Variants in FAM53A observed in about 807,000 individuals in gnomAD.
FAM53A encodes protein FAM53A.
In FAM53A, 28 loss-of-function variants were observed where a neutral mutation model predicts 26.6. The observed-to-expected ratio is 1.05, with a 90% CI of 0.78 to 1.45. The LOEUF is 1.45. Among genes scored for constraint, FAM53A ranks in the 40% most tolerant of loss-of-function variants. FAM53A has a pLI of 0.00. For missense variants in FAM53A, 650 were observed against 575.8 expected (o/e 1.13, Z -1.32); for synonymous variants, 290 against 253.1 (o/e 1.15, Z -1.38).
chr4:1,661,570 C>T (rs1464651272), intron 2 of FAM53A, among the ~76,000 whole-genome samples: 2 of 152,122 alleles, frequency 1.3e-5, no homozygotes, highest in African/African-American at 4.8e-5. Context: ...AGCCAGAGCA[C>T]AGTGAGATGC....
chr4:1,605,939 A>T, the FAM53A span, among the ~76,000 whole-genome samples: 1 of 152,022 alleles, frequency 6.6e-6, no homozygotes, highest in Non-Finnish European at 1.5e-5. This position sits in a 1 kb window ranked among gnomAD's most constrained non-coding sequence, Gnocchi z 5.7. Context: ...CCCAAACTGG[A>T]AGTGCTCTCT....
intron 1 of FAM53A, among the ~76,000 whole-genome samples, chr4:1,680,695 A>G (rs772151836): frequency 4.6e-5 from 7 of 152,230 alleles, no homozygotes; most frequent in Non-Finnish European, 1.0e-4. Context: ...AATGCATGTC[A>G]CTAAGTGAAA....
At chr4:1,604,934 C>T in the FAM53A span, among the ~76,000 whole-genome samples, 1 of 152,158 alleles carries the variant, frequency 6.6e-6, no homozygotes, top group East Asian at 1.9e-4. Context: ...CCCTGCCCCC[C>T]TCCTGCCCCC....
intron 1 of FAM53A, among the ~76,000 whole-genome samples, chr4:1,626,924 G>C (rs560399992): frequency 6.6e-6 from 1 of 152,274 alleles, no homozygotes; most frequent in East Asian, 1.9e-4. Flanking sequence ...CCCTCCCCCA[G>C]CCTCCAGATG....
intron 1 of FAM53A, among the ~76,000 whole-genome samples, chr4:1,677,921 G>A (rs528133202): frequency 3.9e-5 from 6 of 152,252 alleles, no homozygotes; most frequent in African/African-American, 1.4e-4. Context: ...CCCCAGCCTG[G>A]GTGACAGAGT....
At chr4:1,626,121 T>A (rs1715289968) in intron 1 of FAM53A, among the ~76,000 whole-genome samples, 1 of 152,174 alleles carries the variant, frequency 6.6e-6, no homozygotes, top group Non-Finnish European at 1.5e-5. Context: ...TGTCTCCATC[T>A]GGCTCCTGGA....
intron 1 of FAM53A, among the ~76,000 whole-genome samples, chr4:1,631,496 G>A (rs942585068): frequency 6.6e-6 from 1 of 152,154 alleles, no homozygotes; most frequent in African/African-American, 2.4e-5. Flanking sequence ...GTCCCCCGCT[G>A]CCTGGGAACT....
Position 1,641,099 on chromosome 4 carries a change from G to A in FAM53A, c.*194C>T, listed in dbSNP as rs369296082. 0.017 allele frequency: 8,631 copies of A among 517,830 alleles called. 700 individuals carry two copies. The highest frequency in any genetic ancestry group is 0.056 in the South Asian group (2,271 of 40,566). 32.1% of individuals were successfully genotyped at this position (517,830 alleles called of 1,614,324 possible). A position where few individuals can be genotyped will look rare whatever the true frequency, so the allele number is the denominator to read the frequency against. On this transcript the variant is annotated 3_prime_UTR_variant, in exon 5 of 5. Transcript: ENST00000308132. ...CCGGCGGCAGCCGTGGCCCCGACCA[G>A]CTCACAGGAAACCTACTCTGTGCCC...
the FAM53A span, among the ~76,000 whole-genome samples, chr4:1,584,099 G>A: frequency 6.6e-6 from 1 of 152,180 alleles, no homozygotes; most frequent in South Asian, 2.1e-4. Context: ...GGTTTCAGAT[G>A]TTGCGATATC....
the FAM53A span, among the ~76,000 whole-genome samples, chr4:1,608,687 G>A: frequency 2.0e-5 from 3 of 152,052 alleles, no homozygotes; most frequent in African/African-American, 4.8e-5. Context: ...CCTGACACCC[G>A]CTGCCCACCA....
At position 1,644,058 on chromosome 4, in the gene FAM53A, C is replaced by G; in HGVS notation, c.883-2451G>C. 3.1e-6 allele frequency: 4 copies of G among 1,275,580 alleles called. No homozygotes were observed. The Admixed American group carries it at 1.0e-4, about 32-fold the overall frequency. 79.0% of individuals were successfully genotyped at this position (1,275,580 alleles called of 1,614,324 possible). Reference sequence around the variant, plus strand: ...GGATGGCGTGGAGGTCCGGGTCTCACCAGCTCGGTCTGGTGTCACCCGTGA... The same window carrying G: ...GGATGGCGTGGAGGTCCGGGTCTCAGCAGCTCGGTCTGGTGTCACCCGTGA... On this transcript the variant is annotated intron_variant, in intron 4 of 4. Coordinates refer to ENST00000308132, the MANE Select transcript of FAM53A (RefSeq NM_001174070.3).
chr4:1,667,573 G>T (rs1390333274), intron 2 of FAM53A, among the ~76,000 whole-genome samples: 1 of 152,072 alleles, frequency 6.6e-6, no homozygotes, highest in East Asian at 1.9e-4. Context: ...ACCCACACTC[G>T]CCAGCTCTCG....
At chr4:1,665,963 CATA>C (rs1714192677) in intron 2 of FAM53A, among the ~76,000 whole-genome samples, 6 of 126,246 alleles carry the variant, frequency 4.8e-5, no homozygotes, top group East Asian at 2.4e-4. Flanking sequence ...CCTGCACCCC[CATA>C]TCTAAAATAA....
chr4:1,621,954 G>T (rs188399760), intron 1 of FAM53A, among the ~76,000 whole-genome samples: 2 of 152,274 alleles, frequency 1.3e-5, no homozygotes, highest in Non-Finnish European at 2.9e-5. Flanking sequence ...GGACGGCACC[G>T]CATTCATGAA....
rs777550740 is a variant in FAM53A, at chr4:1,655,641, C to G, written c.219G>C (p.Pro73=). ...AATGPDFSFL[P]GLSAAAHTMG... is the part of the protein sequence containing the mutation. ...TGGTGTGAGCGGCAGCAGACAGGCC[C>G]GGCAGGAAGGAGAAATCAGGGCCCG... The change falls in exon 4 of 5, where the codon CCG becomes CCC. Residue 73 remains proline, a synonymous_variant. Coordinates refer to ENST00000308132, the MANE Select transcript of FAM53A (RefSeq NM_001174070.3). The G allele has an allele frequency of 3.1e-6, 5 of 1,595,156 alleles. No homozygotes were observed. The South Asian group carries it at 5.6e-5, about 18-fold the overall frequency.
At position 1,665,669 on chromosome 4, in the gene FAM53A, G is replaced by A. The variant is rs1021019259; in HGVS notation, c.75+2998C>T. On this transcript the variant is annotated intron_variant, in intron 2 of 4. Coordinates refer to ENST00000308132, the MANE Select transcript of FAM53A (RefSeq NM_001174070.3). ...CCCTGGCTGGCCACTAACAGAGCCG[G>A]CAGGGTCAGCAGGAGCAGGAGCAGG... 4.6e-5 allele frequency among the ~76,000 whole-genome samples: 7 copies of A among 152,250 alleles called. No individual in the cohort carries two copies. The South Asian group carries it at 1.5e-3, about 32-fold the overall frequency.
chr4:1,623,037 C>T (rs1176135697), intron 1 of FAM53A, among the ~76,000 whole-genome samples: 1 of 152,232 alleles, frequency 6.6e-6, no homozygotes, highest in East Asian at 1.9e-4. Flanking sequence ...CTGAAGCAGC[C>T]CCCACGGTCA....
At chr4:1,658,911 C>A (rs1713620015) in intron 2 of FAM53A, among the ~76,000 whole-genome samples, 1 of 152,226 alleles carries the variant, frequency 6.6e-6, no homozygotes, top group Non-Finnish European at 1.5e-5. Flanking sequence ...GGCACAGCAG[C>A]CCCTCTGCTT....
At chr4:1,638,933 G>A (rs957323830), downstream of FAM53A, among the ~76,000 whole-genome samples, 11 of 152,348 alleles carry the variant, frequency 7.2e-5, no homozygotes, top group East Asian at 1.9e-4. Flanking sequence ...AGGGGACGCC[G>A]GGTGGACTCA....
Sources: gnomAD v4.1 joint callset for allele counts (sites outside exome capture counted in the v4.1 genomes callset) on GRCh38, gnomAD v4.1.1 for gene constraint, Gnocchi (gnomAD v3.1) non-coding constraint, MANE v1.5 for transcripts, NCBI Gene and HGNC (gene_info 2026-07-23, HGNC 2026-07-21) for gene names.